Variants in FTO observed in about 807,000 individuals in gnomAD.
FTO encodes the protein alpha-ketoglutarate-dependent dioxygenase FTO.
In FTO, 47 loss-of-function variants were observed where a neutral mutation model predicts 63.9. The ratio of observed to expected loss-of-function variants is 0.74; its 90% confidence interval spans 0.58 to 0.94. The LOEUF is 0.94. Ranked by LOEUF, FTO falls within the 40% of genes least tolerant of loss-of-function variation. The pLI is 0.00. For missense variants in FTO, 562 were observed against 618.1 expected, an observed-to-expected ratio of 0.91 and a Z score of 0.96; for synonymous variants, 207 against 224.4, an observed-to-expected ratio of 0.92 and a Z score of 0.69.
chr16:54,054,165 C>T (rs572636434), intron 8 of FTO, among the ~76,000 whole-genome samples: 6 of 152,256 alleles, frequency 3.9e-5, no homozygotes, highest in South Asian at 4.1e-4. Flanking sequence ...AATTCCTTAG[C>T]GGCAACTCTG....
chr16:53,705,468 C>T (rs745523638), intron 1 of FTO, among the ~76,000 whole-genome samples: 2 of 152,156 alleles, frequency 1.3e-5, no homozygotes, highest in East Asian at 3.8e-4. Context: ...TCATTTGCTG[C>T]CTACTCTATG....
chr16:53,951,910 A>C lies in FTO; in HGVS notation c.1364+17801A>C, dbSNP rs1431068995. 2.0e-5 allele frequency among the ~76,000 whole-genome samples: 3 copies of C among 152,278 alleles called. No homozygotes were observed. The East Asian group carries it at 5.8e-4, about 29-fold the overall frequency. On this transcript the variant is annotated intron_variant, in intron 8 of 8. Transcript: ENST00000471389. ...TAAAATCATGATAGTGGATCACATCATCAAAGTTTATAAAATGCTGGCCTT... is the reference window on the plus strand; with the variant it reads ...TAAAATCATGATAGTGGATCACATCCTCAAAGTTTATAAAATGCTGGCCTT...
At chr16:53,964,117 G>T (rs1421869312) in intron 8 of FTO, among the ~76,000 whole-genome samples, 1 of 152,192 alleles carries the variant, frequency 6.6e-6, no homozygotes, top group Non-Finnish European at 1.5e-5. Context: ...AATTTAGAAT[G>T]GGTTGAGCTG....
intron 1 of FTO, among the ~76,000 whole-genome samples, chr16:53,769,142 T>C (rs1475104634): frequency 1.3e-5 from 2 of 152,230 alleles, no homozygotes; most frequent in Non-Finnish European, 2.9e-5. Context: ...TCTTTAAGGT[T>C]AACAATAAAT....
At chr16:53,912,606 A>G (rs1477914413) in intron 7 of FTO, among the ~76,000 whole-genome samples, 1 of 152,182 alleles carries the variant, frequency 6.6e-6, no homozygotes, top group Non-Finnish European at 1.5e-5. Flanking sequence ...CATCATCAAC[A>G]GATTGCATGG....
At chr16:53,902,253 C>G (rs2081421700) in intron 7 of FTO, among the ~76,000 whole-genome samples, 1 of 152,106 alleles carries the variant, frequency 6.6e-6, no homozygotes, top group Admixed American at 6.5e-5. Flanking sequence ...AAGCTGAGGT[C>G]CAAGTGCCAT....
At chr16:53,843,368 T>C (rs1317832895) in intron 3 of FTO, among the ~76,000 whole-genome samples, 1 of 152,246 alleles carries the variant, frequency 6.6e-6, no homozygotes, top group African/African-American at 2.4e-5. Context: ...AACACTGTGT[T>C]GTTTTCAAAC....
intron 8 of FTO, among the ~76,000 whole-genome samples, chr16:54,057,964 C>A (rs1388623914): frequency 6.6e-6 from 1 of 152,144 alleles, no homozygotes; most frequent in African/African-American, 2.4e-5. Context: ...GCTATCATGG[C>A]CCTTCTCATG....
intron 7 of FTO, among the ~76,000 whole-genome samples, chr16:53,891,236 C>A (rs2081139374): frequency 6.6e-6 from 1 of 152,066 alleles, no homozygotes; most frequent in Non-Finnish European, 1.5e-5. Flanking sequence ...AGGTGATCCA[C>A]CTGCCTCAGC....
Position 54,046,174 on chromosome 16 carries a change from G to A in FTO, c.1365-65588G>A, listed in dbSNP as rs200063568. Among the ~76,000 whole-genome samples, 2 of 96,126 alleles carry A rather than the reference G, an allele frequency of 2.1e-5. 1 individual carries two copies. Among genetic ancestry groups the A allele is most frequent in the Non-Finnish European group, 3.5e-5 (2 of 56,812 alleles). 63.1% of individuals were successfully genotyped at this position (96,126 alleles called of 152,430 possible). On this transcript the variant is annotated intron_variant, in intron 8 of 8. Coordinates refer to ENST00000471389, the MANE Select transcript of FTO (RefSeq NM_001080432.3). ...AGGAAAAGAGGAAGTCAAATTGTCC[G>A]TGTTTGCAGACGACATGATTGTTTA...
intron 8 of FTO, among the ~76,000 whole-genome samples, chr16:53,997,867 A>G (rs1271799404): frequency 2.0e-4 from 30 of 152,348 alleles, no homozygotes; most frequent in Admixed American, 1.6e-3. Flanking sequence ...TTTTAAGCAT[A>G]ATAAAAGCAG....
intron 1 of FTO, among the ~76,000 whole-genome samples, chr16:53,714,782 A>T (rs2075853781): frequency 6.6e-6 from 1 of 152,148 alleles, no homozygotes; most frequent in African/African-American, 2.4e-5. Context: ...CTTGTGTTGG[A>T]ACCACAGCCA....
intron 8 of FTO, among the ~76,000 whole-genome samples, chr16:54,078,355 A>G (rs1336213430): frequency 5.4e-5 from 8 of 147,212 alleles, no homozygotes; most frequent in African/African-American, 2.0e-4. Flanking sequence ...ATAATTATAT[A>G]TAATATTCTA....
intron 1 of FTO, among the ~76,000 whole-genome samples, chr16:53,727,636 A>T (rs1044530091): frequency 2.0e-5 from 3 of 152,190 alleles, no homozygotes; most frequent in South Asian, 2.1e-4. Flanking sequence ...TGAACCTAAC[A>T]GTATTCTGGA....
At chr16:53,822,063 C>A (rs926590471) in intron 2 of FTO, among the ~76,000 whole-genome samples, 6 of 152,116 alleles carry the variant, frequency 3.9e-5, no homozygotes, top group African/African-American at 1.4e-4. Context: ...TCCCATGTTT[C>A]ATCCATCCTG....
rs182084976 is a variant in FTO, at chr16:53,875,984, C to T, written c.975+2119C>T. On this transcript the variant is annotated intron_variant, in intron 5 of 8. Coordinates refer to ENST00000471389, the MANE Select transcript of FTO (RefSeq NM_001080432.3). The stretch of plus-strand genomic sequence containing the variant: ...GATTACAGGCGTGAGCCAATGCTCC[C>T]GGCCTAGATTTTAGTTTTTGATAAT... Among the ~76,000 whole-genome samples the T allele has an allele frequency of 1.7e-3, 254 of 152,224 alleles. 2 individuals carry two copies. The highest frequency in any genetic ancestry group is 3.7e-3 in the Admixed American group (56 of 15,288).
At chr16:53,775,135 T>C (rs757870992) in intron 1 of FTO, among the ~76,000 whole-genome samples, 4 of 152,126 alleles carry the variant, frequency 2.6e-5, no homozygotes, top group Admixed American at 2.0e-4. Context: ...TAAGAGGAGA[T>C]TGGAAGGGTG....
chr16:53,836,997 C>G (rs1020415239), intron 3 of FTO, among the ~76,000 whole-genome samples: 1 of 152,168 alleles, frequency 6.6e-6, no homozygotes, highest in Non-Finnish European at 1.5e-5. Context: ...GTAAGGGTTT[C>G]CTGTGAGTCT....
At chr16:54,033,166 G>T (rs780980107) in intron 8 of FTO, among the ~76,000 whole-genome samples, 2 of 152,164 alleles carry the variant, frequency 1.3e-5, no homozygotes, top group Admixed American at 1.3e-4. Flanking sequence ...TATCATCTTG[G>T]TTTTCAGAAA....
Sources: allele counts gnomAD v4.1 joint callset (sites outside exome capture counted in the v4.1 genomes callset), GRCh38; gene constraint gnomAD v4.1.1; transcripts MANE v1.5; gene names NCBI Gene and HGNC (gene_info 2026-07-23, HGNC 2026-07-21).